Variants in ZEB2 observed in about 807,000 individuals in gnomAD.
ZEB2 encodes zinc finger E-box binding homeobox 2, also known as zinc finger E-box-binding homeobox 2.
Under a neutral mutation model 99.9 loss-of-function variants are expected in ZEB2, and 6 were observed. The observed-to-expected ratio is 0.06, with a 90% confidence interval of 0.03 to 0.12. ZEB2 has a LOEUF of 0.12. ZEB2 is among the 10% of genes least tolerant of loss of function. The pLI, the probability that ZEB2 is intolerant of heterozygous loss-of-function variation, is 1.00. For synonymous variants in ZEB2, 517 were observed against 542.5 expected (o/e 0.95, Z 0.65); for missense variants, 969 against 1,502.8 (o/e 0.64, Z 5.87).
intron 9 of ZEB2, among the ~76,000 whole-genome samples, chr2:144,392,364 CCT>C (rs200331349): frequency 0.013 from 1,940 of 152,324 alleles, 33 homozygotes; most frequent in Non-Finnish European, 0.014. Flanking sequence ...GAGCAAGCAT[CCT>C]CTGTTATAGG....
At chr2:144,488,417 A>G (rs1704628892) in intron 2 of ZEB2, among the ~76,000 whole-genome samples, 1 of 152,222 alleles carries the variant, frequency 6.6e-6, no homozygotes, top group African/African-American at 2.4e-5. Context: ...AACCAAATCA[A>G]AACACATAGA....
intron 4 of ZEB2, among the ~76,000 whole-genome samples, chr2:144,411,327 A>T (rs1409389723): frequency 1.3e-5 from 2 of 151,986 alleles, no homozygotes; most frequent in African/African-American, 2.4e-5. Context: ...AGATGATAAG[A>T]AAACACGAAA....
rs1703276960 is a variant in ZEB2, at chr2:144,399,403, G to A, written c.1784C>T (p.Pro595Leu). 1 of 1,614,176 alleles carries A rather than the reference G, an allele frequency of 6.2e-7. No homozygotes were observed. Among genetic ancestry groups the A allele is most frequent in the Non-Finnish European group, 8.5e-7 (1 of 1,180,022 alleles). ...FCKESFPGPI[P>L]LHQHERYLCK... ...AAGGTAACGTTCATGCTGATGCAAA[G>A]GGATGGGGCCAGGAAAACTTTCTTT... Residue 595 changes from proline to leucine, a missense_variant, in exon 8 of 10, where the codon CCT (proline) becomes CTT (leucine). Pro to Leu is a moderately conservative substitution (Grantham distance 98). This residue lies in a region of ZEB2 where 11 missense variants were observed against 38.6 expected (regional missense o/e 0.28). Transcript: ENST00000627532. The surrounding 1 kb of genome is among the most constrained non-coding windows in gnomAD (Gnocchi z 5.6).
At chr2:144,451,336 T>C (rs1006553083) in intron 2 of ZEB2, among the ~76,000 whole-genome samples, 2 of 152,202 alleles carry the variant, frequency 1.3e-5, no homozygotes, top group Admixed American at 1.3e-4. Context: ...AAAAGATTTT[T>C]CTAGTATTTC....
At chr2:144,442,937 C>T (rs1191154346) in intron 2 of ZEB2, among the ~76,000 whole-genome samples, 6 of 152,080 alleles carry the variant, frequency 3.9e-5, no homozygotes, top group Admixed American at 3.3e-4. Context: ...TGTGCTGTCC[C>T]ATTTTTACTG....
chr2:144,493,470 C>T (rs1704711630), intron 2 of ZEB2, among the ~76,000 whole-genome samples: 1 of 152,206 alleles, frequency 6.6e-6, no homozygotes, highest in African/African-American at 2.4e-5. Context: ...GAGTAAATGG[C>T]AGAATCAGAA....
intron 2 of ZEB2, among the ~76,000 whole-genome samples, chr2:144,509,145 G>A (rs1317169262): frequency 6.6e-6 from 1 of 152,172 alleles, no homozygotes; most frequent in East Asian, 1.9e-4. Context: ...TGGAGAGCCA[G>A]GATTTTATCT....
chr2:144,397,012 G>A (rs891534010), intron 8 of ZEB2, among the ~76,000 whole-genome samples: 3 of 152,014 alleles, frequency 2.0e-5, no homozygotes, highest in African/African-American at 7.2e-5. Context: ...TTTATATTTA[G>A]GTACAAAATG....
chr2:144,472,375 A>G (rs1305065479), intron 2 of ZEB2, among the ~76,000 whole-genome samples: 1 of 152,056 alleles, frequency 6.6e-6, no homozygotes, highest in East Asian at 1.9e-4. Flanking sequence ...GATTTTTAAA[A>G]CCCAGTTATG....
At chr2:144,392,581 G>C (rs1409039154) in intron 9 of ZEB2, among the ~76,000 whole-genome samples, 1 of 152,224 alleles carries the variant, frequency 6.6e-6, no homozygotes, top group African/African-American at 2.4e-5. Flanking sequence ...GCAAAGGATA[G>C]AATCTGGGAG....
At chr2:144,501,522 T>C (rs990286678) in intron 2 of ZEB2, among the ~76,000 whole-genome samples, 1 of 152,216 alleles carries the variant, frequency 6.6e-6, no homozygotes, top group Non-Finnish European at 1.5e-5. Flanking sequence ...CATGGACTTG[T>C]TACAAAACAT....
At chr2:144,423,262 G>T (rs1703644627) in intron 4 of ZEB2, among the ~76,000 whole-genome samples, 2 of 152,074 alleles carry the variant, frequency 1.3e-5, no homozygotes, top group Non-Finnish European at 2.9e-5. Flanking sequence ...GCTTATAAGG[G>T]TAATCAAAAT....
chr2:144,403,597 G>A (rs1703341574), intron 6 of ZEB2, among the ~76,000 whole-genome samples: 3 of 152,214 alleles, frequency 2.0e-5, no homozygotes, highest in South Asian at 4.1e-4. Flanking sequence ...TTGCTGAGAT[G>A]TTTAATAATG....
At chr2:144,483,117 GACACACAC>G (rs70985858) in intron 2 of ZEB2, among the ~76,000 whole-genome samples, 4,098 of 130,710 alleles carry the variant, frequency 0.031, 93 homozygotes, top group Admixed American at 0.05. Context: ...GTTTAGGTAA[GACACACAC>G]ACACACACAC....
chr2:144,481,884 C>G (rs987417931), intron 2 of ZEB2, among the ~76,000 whole-genome samples: 2 of 152,176 alleles, frequency 1.3e-5, no homozygotes, highest in Admixed American at 1.3e-4. Context: ...TTTACCTCCC[C>G]TTTTGAAACA....
chr2:144,495,945 T>C (rs984213262), intron 2 of ZEB2: 1 of 152,258 alleles, frequency 6.6e-6, no homozygotes, highest in African/African-American at 2.4e-5. Context: ...AATGGCTGCA[T>C]GTTAACCAGA....
intron 4 of ZEB2, among the ~76,000 whole-genome samples, chr2:144,417,727 C>T (rs1703559600): frequency 6.6e-6 from 1 of 152,004 alleles, no homozygotes; most frequent in South Asian, 2.1e-4. Context: ...TCAATGGGTA[C>T]AAAACTACAG....
intron 4 of ZEB2, among the ~76,000 whole-genome samples, chr2:144,419,163 A>G (rs1703584885): frequency 6.6e-6 from 1 of 152,208 alleles, no homozygotes; most frequent in Non-Finnish European, 1.5e-5. Context: ...ATTCAAGTGT[A>G]GGTAATTGGT....
chr2:144,454,751 C>A (rs965921302), intron 2 of ZEB2, among the ~76,000 whole-genome samples: 2 of 152,120 alleles, frequency 1.3e-5, no homozygotes, highest in African/African-American at 4.8e-5. Context: ...AAAGCTTCAA[C>A]CCTGCTCAGA....
Sources: allele counts gnomAD v4.1 joint callset (sites outside exome capture counted in the v4.1 genomes callset), GRCh38; gene constraint gnomAD v4.1.1; regional missense constraint gnomAD v4.1.1; non-coding constraint Gnocchi (gnomAD v3.1); transcripts MANE v1.5; gene names NCBI Gene and HGNC (gene_info 2026-07-23, HGNC 2026-07-21).